Variants in SLC27A6 observed in about 807,000 individuals in gnomAD.
The protein encoded by SLC27A6 is long-chain fatty acid transport protein 6.
In SLC27A6, 74 loss-of-function variants were observed where a neutral mutation model predicts 63.9. The ratio of observed to expected loss-of-function variants is 1.16; its 90% CI spans 0.96 to 1.40. SLC27A6 has a LOEUF of 1.40. Ranked by LOEUF, SLC27A6 falls within the 40% of genes most tolerant of loss-of-function variation. The pLI is 0.00. For missense variants in SLC27A6, 794 were observed against 732.9 expected (o/e 1.08, Z -0.96); for synonymous variants, 287 against 260.8 (o/e 1.10, Z -0.97).
At chr5:128,988,059 C>T (rs1750850989) in intron 2 of SLC27A6, among the ~76,000 whole-genome samples, 1 of 152,172 alleles carries the variant, frequency 6.6e-6, no homozygotes, top group South Asian at 2.1e-4. Context: ...TACCATGTTG[C>T]ATCCAAAGGA....
chr5:129,015,222 A>G (rs1416445105), intron 4 of SLC27A6, among the ~76,000 whole-genome samples: 1 of 152,200 alleles, frequency 6.6e-6, no homozygotes, highest in Non-Finnish European at 1.5e-5. Context: ...CTTACTAGAT[A>G]TAGAACAAAA....
At chr5:129,005,336 T>C (rs1751483703) in intron 4 of SLC27A6, among the ~76,000 whole-genome samples, 1 of 152,192 alleles carries the variant, frequency 6.6e-6, no homozygotes, top group African/African-American at 2.4e-5. Flanking sequence ...CATGGGAATC[T>C]GGATAAGGAA....
At chr5:128,992,822 A>G (rs1272840705) in intron 4 of SLC27A6, among the ~76,000 whole-genome samples, 4 of 152,312 alleles carry the variant, frequency 2.6e-5, no homozygotes, top group South Asian at 2.1e-4. Flanking sequence ...TGACTTTAGT[A>G]CAGAACACAG....
chr5:128,970,129 G>C (rs1284571058), intron 1 of SLC27A6, among the ~76,000 whole-genome samples: 2 of 147,898 alleles, frequency 1.4e-5, no homozygotes, highest in African/African-American at 4.9e-5. Context: ...TGATCATGGT[G>C]GATAAGCTTT....
In SLC27A6 at chr5:128,966,357, A is replaced by C; in HGVS notation, c.220A>C (p.Ile74Leu). 1 of 1,614,042 alleles carries C rather than the reference A, an allele frequency of 6.2e-7. No homozygotes were observed. The highest frequency in any genetic ancestry group is 8.5e-7 in the Non-Finnish European group (1 of 1,180,000). Residue 74 changes from isoleucine (I) to leucine (L), a missense_variant, in exon 1 of 10, where the codon ATC becomes CTC. Physicochemically the swap from Ile to Leu is conservative, Grantham distance 5 (BLOSUM62 2). Transcript: ENST00000262462. ...AAGACAACCTCGGAAACCTTTCATC[A>C]TCTATGAGGGAGACATCTACACCTA... ...AKRQPRKPFI[I>L]YEGDIYTYQD...
chr5:129,016,668 A>G (rs1751910377), intron 5 of SLC27A6, among the ~76,000 whole-genome samples: 1 of 152,060 alleles, frequency 6.6e-6, no homozygotes, highest in Admixed American at 6.6e-5. Flanking sequence ...TAGCAAGCAT[A>G]GGCCCTGATA....
At chr5:128,967,148 G>A (rs904813411) in intron 1 of SLC27A6, among the ~76,000 whole-genome samples, 1 of 151,990 alleles carries the variant, frequency 6.6e-6, no homozygotes, top group African/African-American at 2.4e-5. Flanking sequence ...CAGAACGTGG[G>A]CTCTTGGCAG....
intron 5 of SLC27A6, among the ~76,000 whole-genome samples, chr5:129,019,110 A>G (rs1205547653): frequency 6.6e-6 from 1 of 152,156 alleles, no homozygotes; most frequent in Non-Finnish European, 1.5e-5. Flanking sequence ...AAGATAAGGC[A>G]GCAACACAGA....
intron 1 of SLC27A6, among the ~76,000 whole-genome samples, chr5:128,973,431 G>A (rs1013075823): frequency 1.3e-5 from 2 of 152,186 alleles, no homozygotes; most frequent in African/African-American, 2.4e-5. Flanking sequence ...GCTCCACCCA[G>A]TTCGATCTTC....
chr5:129,027,068 C>T lies in SLC27A6; in HGVS notation c.1256-65C>T. 4.7e-6 allele frequency: 6 copies of T among 1,283,828 alleles called. No individual in the cohort carries two copies. In the Middle Eastern group the frequency reaches 5.6e-4, roughly 120 times the overall value. 79.5% of individuals were successfully genotyped at this position (1,283,828 alleles called of 1,614,324 possible). On this transcript the variant is annotated intron_variant, in intron 6 of 9. Transcript: ENST00000262462. The stretch of plus-strand genomic sequence containing the variant: ...GTGCTGGCCAGATATAATATAGATA[C>T]ATTCATGGTGTGTGTAACAATAGTT...
At chr5:129,006,071 G>GTTTTTTTTTTTT (rs4068575) in intron 4 of SLC27A6, among the ~76,000 whole-genome samples, 624 of 60,108 alleles carry the variant, frequency 0.01, 144 homozygotes, top group Middle Eastern at 0.031. Flanking sequence ...TGTGCACACT[G>GTTTTTTTTTTTT]TTTTTTTTTT....
rs1202982828 is a variant in SLC27A6, at chr5:128,965,842, C to G, written c.-296C>G. The G allele has an allele frequency of 3.3e-6, 1 of 300,516 alleles. No individual in the cohort carries two copies. The highest frequency in any genetic ancestry group is 2.2e-5 in the African/African-American group (1 of 46,504). The allele number at this position is 300,516 out of a possible 1,614,324, so 18.6% of individuals were successfully genotyped here. On this transcript the variant is annotated 5_prime_UTR_variant, in exon 1 of 10. Transcript: ENST00000262462. ...AGCGCTGGGGTTGTAGATTCCAAGA[C>G]CCCTGAGGGTGGCTGTGTTGGTTTC...
intron 5 of SLC27A6, among the ~76,000 whole-genome samples, chr5:129,017,929 G>T (rs1751959060): frequency 6.6e-6 from 1 of 152,086 alleles, no homozygotes; most frequent in South Asian, 2.1e-4. Context: ...AACTCTTCCA[G>T]ATAATGCAGA....
chr5:128,967,404 A>G (rs1203014564), intron 1 of SLC27A6, among the ~76,000 whole-genome samples: 1 of 152,234 alleles, frequency 6.6e-6, no homozygotes, highest in Non-Finnish European at 1.5e-5. Context: ...TGTAATCTAA[A>G]TGGTTTATGC....
At chr5:128,995,625 G>C (rs1260143181) in intron 4 of SLC27A6, among the ~76,000 whole-genome samples, 1 of 152,104 alleles carries the variant, frequency 6.6e-6, no homozygotes, top group Admixed American at 6.6e-5. Flanking sequence ...TGACAAGTGG[G>C]ATCCAGGCAC....
At chr5:128,999,988 T>C (rs1042468230) in intron 4 of SLC27A6, among the ~76,000 whole-genome samples, 1 of 152,194 alleles carries the variant, frequency 6.6e-6, no homozygotes, top group Non-Finnish European at 1.5e-5. Flanking sequence ...TGGTTCAACT[T>C]TTATTTGATA....
chr5:128,969,948 A>T (rs1388939411), intron 1 of SLC27A6, among the ~76,000 whole-genome samples: 1 of 152,122 alleles, frequency 6.6e-6, no homozygotes, highest in Non-Finnish European at 1.5e-5. Flanking sequence ...ATCAATACCT[A>T]GTTTATTGAG....
chr5:128,997,412 G>A (rs10077828), intron 4 of SLC27A6, among the ~76,000 whole-genome samples: 34,985 of 152,020 alleles, frequency 0.23, 5,138 homozygotes, highest in East Asian at 0.7. Flanking sequence ...AGATATAAAA[G>A]CATTTAGAGA....
At chr5:128,985,055 A>G in intron 1 of SLC27A6, 78 bp from the exon 2 acceptor site, 3 of 947,790 alleles carry the variant, frequency 3.2e-6, no homozygotes, top group Non-Finnish European at 4.8e-6. Flanking sequence ...TCCCTGTTTC[A>G]ATACACAAAA....
Sources: gnomAD v4.1 joint callset for allele counts (sites outside exome capture counted in the v4.1 genomes callset) on GRCh38, gnomAD v4.1.1 for gene constraint, MANE v1.5 for transcripts, NCBI Gene and HGNC (gene_info 2026-07-23, HGNC 2026-07-21) for gene names.